The following PDZRN4 variants were observed in gnomAD, a reference collection of about 807,000 sequenced individuals.
PDZRN4 encodes the protein PDZ domain containing ring finger 4.
A neutral mutation model predicts 99.0 loss-of-function variants in PDZRN4; 70 were observed. The ratio of observed to expected loss-of-function variants is 0.71; its 90% CI spans 0.58 to 0.86. The LOEUF (loss-of-function observed/expected upper bound fraction) is 0.86, where lower values mean the gene tolerates loss of function less well. Among genes scored for constraint, PDZRN4 ranks in the 40% least tolerant of loss-of-function variants. PDZRN4 has a pLI of 0.00. For synonymous variants in PDZRN4, 551 were observed against 501.6 expected, an observed-to-expected ratio of 1.10 and a Z score of -1.32; for missense variants, 1,474 against 1,331.2, an observed-to-expected ratio of 1.11 and a Z score of -1.67.
chr12:41,322,311 C>T (rs1022421282), intron 3 of PDZRN4, among the ~76,000 whole-genome samples: 1 of 151,828 alleles, frequency 6.6e-6, no homozygotes, highest in African/African-American at 2.4e-5. Context: ...TAGGCTCGAA[C>T]CACTGTGCTC....
rs11180835 is a variant in PDZRN4, at chr12:41,339,067, A to T, written c.843+144879A>T. ...GATGTTCTTCACAGAAATAGAAAAA[A>T]ATTTCCTAAAATTTATATGGAACCA... On this transcript the variant is annotated intron_variant, in intron 3 of 9. Transcript: ENST00000402685. Among the ~76,000 whole-genome samples, 1,425 of 152,064 alleles carry T rather than the reference A, an allele frequency of 9.4e-3. 23 individuals are homozygous for T. Among genetic ancestry groups the T allele is most frequent in the African/African-American group, 0.032 (1,336 of 41,494 alleles).
intron 5 of PDZRN4, among the ~76,000 whole-genome samples, chr12:41,544,165 A>T (rs1230013124): frequency 6.6e-6 from 1 of 152,234 alleles, no homozygotes; most frequent in Admixed American, 6.5e-5. Flanking sequence ...TGCTAGGAAA[A>T]TGTCCAGTGA....
At chr12:41,205,498 T>A (rs1164796310) in intron 3 of PDZRN4, among the ~76,000 whole-genome samples, 2 of 151,980 alleles carry the variant, frequency 1.3e-5, no homozygotes, top group Non-Finnish European at 2.9e-5. Context: ...CAAGCTACAC[T>A]GGCTTTCTCT....
At chr12:41,343,899 G>T (rs1456987816) in intron 3 of PDZRN4, among the ~76,000 whole-genome samples, 1 of 151,844 alleles carries the variant, frequency 6.6e-6, no homozygotes, top group African/African-American at 2.4e-5. Flanking sequence ...GTTAAAAAAA[G>T]CATTTCAATT....
intron 3 of PDZRN4, among the ~76,000 whole-genome samples, chr12:41,455,228 A>G (rs1193895873): frequency 6.6e-6 from 1 of 152,230 alleles, no homozygotes; most frequent in Admixed American, 6.5e-5. Context: ...ATAAATTATA[A>G]AAGCAAGTAT....
Position 41,237,783 on chromosome 12 carries a change from C to T in PDZRN4, c.843+43595C>T, listed in dbSNP as rs185088001. Reference sequence around the variant, plus strand: ...GTCAAAATTCACATAGTTGTAGGTGCGTGGTCTTATTTCTGAGATCTCTAT... The same window carrying T: ...GTCAAAATTCACATAGTTGTAGGTGTGTGGTCTTATTTCTGAGATCTCTAT... On this transcript the variant is annotated intron_variant, in intron 3 of 9. Coordinates refer to ENST00000402685, the MANE Select transcript of PDZRN4 (RefSeq NM_001164595.2). Among the ~76,000 whole-genome samples the T allele has an allele frequency of 1.9e-3, 288 of 152,086 alleles. 1 individual carries two copies. The highest frequency in any genetic ancestry group is 6.6e-3 in the African/African-American group (272 of 41,504).
At chr12:41,261,371 T>C (rs1951238549) in intron 3 of PDZRN4, among the ~76,000 whole-genome samples, 1 of 152,246 alleles carries the variant, frequency 6.6e-6, no homozygotes, top group Non-Finnish European at 1.5e-5. Flanking sequence ...AGAAATCTAA[T>C]AACTTGTGAT....
At chr12:41,373,067 A>G (rs1383202905) in intron 3 of PDZRN4, among the ~76,000 whole-genome samples, 1 of 152,148 alleles carries the variant, frequency 6.6e-6, no homozygotes, top group African/African-American at 2.4e-5. Context: ...CTGCAAAACC[A>G]GCAAGTTTTT....
intron 3 of PDZRN4, among the ~76,000 whole-genome samples, chr12:41,260,390 C>A (rs940614920): frequency 1.6e-4 from 24 of 152,150 alleles, no homozygotes; most frequent in African/African-American, 5.1e-4. Context: ...TCTGATTAAA[C>A]AAGCAGTACA....
intron 3 of PDZRN4, among the ~76,000 whole-genome samples, chr12:41,355,221 G>A (rs941436415): frequency 6.6e-5 from 10 of 152,202 alleles, no homozygotes; most frequent in African/African-American, 2.4e-4. Context: ...GCTGCAAGAT[G>A]AAATTGCAGC....
chr12:41,499,380 A>T (rs1025165640), intron 3 of PDZRN4, among the ~76,000 whole-genome samples: 4 of 152,152 alleles, frequency 2.6e-5, no homozygotes, highest in Non-Finnish European at 5.9e-5. Context: ...TTATTTATAA[A>T]GAGGTTAATA....
intron 3 of PDZRN4, among the ~76,000 whole-genome samples, chr12:41,361,668 G>T (rs774607865): frequency 2.4e-4 from 37 of 152,044 alleles, no homozygotes; most frequent in Non-Finnish European, 4.4e-4. Context: ...CACAACTGAA[G>T]TTTAGAAATG....
chr12:41,506,360 G>T, intron 3 of PDZRN4, 96 bp from the exon 4 acceptor site: 2 of 1,118,278 alleles, frequency 1.8e-6, no homozygotes, highest in Non-Finnish European at 1.3e-6. Flanking sequence ...TCATATCAGG[G>T]CTGGTTGAAA....
chr12:41,533,523 CTG>C (rs971345684), intron 5 of PDZRN4, among the ~76,000 whole-genome samples: 29 of 152,280 alleles, frequency 1.9e-4, no homozygotes, highest in Admixed American at 1.1e-3. Context: ...TATTGTGATG[CTG>C]TTTGTCCAAA....
Position 41,344,388 on chromosome 12 carries a change from C to T in PDZRN4, c.843+150200C>T, listed in dbSNP as rs557693309. Among the ~76,000 whole-genome samples, 6 of 152,142 alleles carry T rather than the reference C, an allele frequency of 3.9e-5. 2 individuals are homozygous for T. The highest frequency in any genetic ancestry group is 2.1e-4 in the South Asian group (1 of 4,820). On this transcript the variant is annotated intron_variant, in intron 3 of 9. Coordinates refer to ENST00000402685, the MANE Select transcript of PDZRN4 (RefSeq NM_001164595.2). ...ATAGTGAACTGATTTCATTGTGCCT[C>T]ATGACCCACTCTTAGACAAGCTCAG...
intron 3 of PDZRN4, among the ~76,000 whole-genome samples, chr12:41,358,914 A>G (rs994439245): frequency 7.9e-5 from 12 of 152,000 alleles, no homozygotes; most frequent in Admixed American, 2.0e-4. Context: ...CATTACTAAC[A>G]TTTCTGAAAC....
At chr12:41,487,037 C>T (rs1937790318) in intron 3 of PDZRN4, among the ~76,000 whole-genome samples, 1 of 152,174 alleles carries the variant, frequency 6.6e-6, no homozygotes, top group African/African-American at 2.4e-5. Context: ...CTCCCCTCCT[C>T]CTGCCCCAAT....
At chr12:41,520,775 T>C (rs746391205) in intron 5 of PDZRN4, among the ~76,000 whole-genome samples, 6 of 152,032 alleles carry the variant, frequency 3.9e-5, no homozygotes, top group Non-Finnish European at 7.4e-5. Context: ...GCAGTAATAA[T>C]GATGTTTACA....
intron 3 of PDZRN4, among the ~76,000 whole-genome samples, chr12:41,361,598 A>G (rs1348872498): frequency 6.6e-6 from 1 of 152,072 alleles, no homozygotes; most frequent in East Asian, 1.9e-4. Context: ...AAACTTTTCT[A>G]TTTATATTTC....
Sources: allele counts gnomAD v4.1 joint callset (sites outside exome capture counted in the v4.1 genomes callset), GRCh38; gene constraint gnomAD v4.1.1; transcripts MANE v1.5; gene names NCBI Gene and HGNC (gene_info 2026-07-23, HGNC 2026-07-21).